The following RFX7 variants were observed in gnomAD, a reference collection of about 807,000 sequenced individuals.
RFX7 encodes regulatory factor X7.
Under a neutral mutation model 111.8 loss-of-function variants are expected in RFX7, and 26 were observed. The observed-to-expected ratio is 0.23, with a 90% CI of 0.17 to 0.32. The LOEUF (loss-of-function observed/expected upper bound fraction) is 0.32. RFX7 is among the 10% of genes least tolerant of loss of function. RFX7 has a pLI of 1.00. For missense variants in RFX7, 1,573 were observed against 1,772.9 expected (o/e 0.89, Z 2.02); for synonymous variants, 624 against 624.4 (o/e 1.00, Z 0.01).
At chr15:56,180,316 T>C (rs2042955509) in intron 2 of RFX7, among the ~76,000 whole-genome samples, 1 of 152,158 alleles carries the variant, frequency 6.6e-6, no homozygotes, top group African/African-American at 2.4e-5. Context: ...AAAATATGAC[T>C]GGATTCAGTT....
chr15:56,227,093 A>G (rs1180595980), intron 2 of RFX7, among the ~76,000 whole-genome samples: 4 of 152,244 alleles, frequency 2.6e-5, no homozygotes, highest in Non-Finnish European at 5.9e-5. Flanking sequence ...TGGTTTATAC[A>G]TAACACTGGC....
intron 2 of RFX7, among the ~76,000 whole-genome samples, chr15:56,234,526 T>C (rs751507149): frequency 1.3e-5 from 2 of 152,202 alleles, no homozygotes; most frequent in Non-Finnish European, 2.9e-5. Context: ...CTTTGATATA[T>C]CTTATTAATA....
chr15:56,191,645 T>G (rs950514884), intron 2 of RFX7, among the ~76,000 whole-genome samples: 6 of 152,208 alleles, frequency 3.9e-5, no homozygotes, highest in African/African-American at 1.4e-4. Flanking sequence ...AGACTGTATT[T>G]TATTAGTCCA....
chr15:56,186,051 C>A (rs948000315), intron 2 of RFX7, among the ~76,000 whole-genome samples: 2 of 152,036 alleles, frequency 1.3e-5, no homozygotes, highest in Admixed American at 6.5e-5. Flanking sequence ...GTCCTTGTAC[C>A]AGAAGGAAAC....
rs998946047 is a variant in RFX7, at chr15:56,150,903, G to A, written c.196-6420C>T. On this transcript the variant is annotated intron_variant, in intron 3 of 9. Transcript: ENST00000559447. Reference sequence around the variant, plus strand: ...CTGATGGAGCTGAAAAACACAGCACGAGAACTTCGTGTAGCATACACAAGT... The same window carrying A: ...CTGATGGAGCTGAAAAACACAGCACAAGAACTTCGTGTAGCATACACAAGT... 4.6e-5 allele frequency among the ~76,000 whole-genome samples: 7 copies of A among 152,036 alleles called. No homozygotes were observed. In the South Asian group the frequency reaches 8.3e-4, roughly 18 times the overall value.
rs2041652969 is a variant in RFX7 at position 56,095,020 on chromosome 15, G to A, written c.2708C>T (p.Ser903Phe). The A allele has an allele frequency of 6.2e-7, 1 of 1,613,858 alleles. No homozygotes were observed. Residue 903 changes from serine (S) to phenylalanine (F), a missense_variant, in exon 10 of 10, where the codon TCT (serine) becomes TTT (phenylalanine). Transcript: ENST00000559447. ...TCCCAAACAGTTGCCGTAAGAATGAGAATTGTTCATTGACATTTGCTGCTC... is the reference window on the plus strand; with the variant it reads ...TCCCAAACAGTTGCCGTAAGAATGAAAATTGTTCATTGACATTTGCTGCTC... ...LMEQQMSMNN[S>F]HSYGNCLGMT...
At chr15:56,168,440 C>T (rs1329889046) in intron 3 of RFX7, among the ~76,000 whole-genome samples, 1 of 152,034 alleles carries the variant, frequency 6.6e-6, no homozygotes, top group African/African-American at 2.4e-5. Context: ...GACATAAGTC[C>T]CAGCCCTTAC....
intron 3 of RFX7, among the ~76,000 whole-genome samples, chr15:56,149,959 G>A (rs180997619): frequency 1.5e-3 from 224 of 151,458 alleles, no homozygotes; most frequent in Non-Finnish European, 1.5e-3. Context: ...AAGATCCGCT[G>A]GCTTGAAATT....
chr15:56,120,728 C>A (rs2042067342), intron 5 of RFX7, among the ~76,000 whole-genome samples: 1 of 152,034 alleles, frequency 6.6e-6, no homozygotes, highest in South Asian at 2.1e-4. Flanking sequence ...AGTGCTTTTT[C>A]ATTTCTTGCT....
chr15:56,236,486 T>C (rs2043625012), intron 2 of RFX7, among the ~76,000 whole-genome samples: 1 of 152,088 alleles, frequency 6.6e-6, no homozygotes, highest in Admixed American at 6.5e-5. Context: ...AGAAAGAGAA[T>C]GGTAGAATAG....
At chr15:56,110,146 G>C (rs1355837716) in intron 5 of RFX7, among the ~76,000 whole-genome samples, 1 of 130,882 alleles carries the variant, frequency 7.6e-6, no homozygotes, top group Non-Finnish European at 1.7e-5. Flanking sequence ...AGGTGGGGGG[G>C]TCAGCCCCCC....
At chr15:56,178,377 T>C (rs1017442569) in intron 3 of RFX7, among the ~76,000 whole-genome samples, 5 of 152,080 alleles carry the variant, frequency 3.3e-5, no homozygotes, top group Admixed American at 2.0e-4. Flanking sequence ...CTAATAATAA[T>C]ATAAGCTAAT....
At chr15:56,102,771 C>T (rs545397839) in intron 6 of RFX7, among the ~76,000 whole-genome samples, 2 of 152,254 alleles carry the variant, frequency 1.3e-5, no homozygotes, top group South Asian at 4.1e-4. Flanking sequence ...ATAGGTCGTG[C>T]CAACTAGTGG....
intron 5 of RFX7, among the ~76,000 whole-genome samples, chr15:56,130,161 C>G (rs2042193843): frequency 6.6e-6 from 1 of 151,968 alleles, no homozygotes; most frequent in Admixed American, 6.6e-5. Flanking sequence ...TGAAGATGAG[C>G]AGTGTGTTAA....
chr15:56,105,613 TC>T (rs533646877), intron 5 of RFX7, among the ~76,000 whole-genome samples: 1 of 152,080 alleles, frequency 6.6e-6, no homozygotes, highest in Non-Finnish European at 1.5e-5. Flanking sequence ...CATTCTATTC[TC>T]CATCTGTGTT....
chr15:56,123,473 C>T (rs976760673), intron 5 of RFX7, among the ~76,000 whole-genome samples: 5 of 152,190 alleles, frequency 3.3e-5, no homozygotes, highest in Non-Finnish European at 5.9e-5. Context: ...TTTCCTTCTC[C>T]TCTCCTCAAG....
At chr15:56,235,022 T>C (rs1011163725) in intron 2 of RFX7, among the ~76,000 whole-genome samples, 4 of 152,190 alleles carry the variant, frequency 2.6e-5, no homozygotes, top group African/African-American at 9.7e-5. Context: ...TAGACACTTA[T>C]ATCAGCAGAA....
intron 2 of RFX7, among the ~76,000 whole-genome samples, chr15:56,194,705 T>C (rs1340203223): frequency 6.6e-6 from 1 of 152,002 alleles, no homozygotes; most frequent in African/African-American, 2.4e-5. Context: ...ATAAAAAACA[T>C]TCGGAATCAC....
intron 2 of RFX7, among the ~76,000 whole-genome samples, chr15:56,226,594 T>C (rs2043486123): frequency 6.6e-6 from 1 of 151,766 alleles, no homozygotes; most frequent in Non-Finnish European, 1.5e-5. Flanking sequence ...AAGAACAAAG[T>C]GATAAAAGGA....
Sources: gnomAD v4.1 joint callset for allele counts (sites outside exome capture counted in the v4.1 genomes callset) on GRCh38, gnomAD v4.1.1 for gene constraint, MANE v1.5 for transcripts, NCBI Gene and HGNC (gene_info 2026-07-23, HGNC 2026-07-21) for gene names.